GPC5: variants seen among roughly 807,000 people sequenced by gnomAD.
GPC5 encodes the protein glypican 5.
Under a neutral mutation model 53.9 loss-of-function variants are expected in GPC5, and 47 were observed. That is an observed-to-expected ratio of 0.87 (90% CI 0.69 to 1.11). GPC5 has a LOEUF of 1.11. GPC5 is among the 50% of genes most tolerant of loss of function. The probability of loss-of-function intolerance (pLI) is 0.00; values close to 1 mark genes in which losing one functional copy is unlikely to be tolerated. For synonymous variants in GPC5, 286 were observed against 263.3 expected, an observed-to-expected ratio of 1.09 and a Z score of -0.84; for missense variants, 748 against 713.1, an observed-to-expected ratio of 1.05 and a Z score of -0.56.
chr13:92,502,217 G>A (rs1880211381), intron 7 of GPC5, among the ~76,000 whole-genome samples: 1 of 151,902 alleles, frequency 6.6e-6, no homozygotes, highest in Non-Finnish European at 1.5e-5. Context: ...AAATTATACA[G>A]TGAGATACAG....
At chr13:92,029,338 A>G (rs2040823628) in intron 6 of GPC5, among the ~76,000 whole-genome samples, 1 of 152,214 alleles carries the variant, frequency 6.6e-6, no homozygotes, top group Admixed American at 6.5e-5. Context: ...GAGTTCAGTT[A>G]ACCTCTAAGT....
At chr13:91,676,269 C>T (rs1208175718) in intron 2 of GPC5, among the ~76,000 whole-genome samples, 2 of 152,118 alleles carry the variant, frequency 1.3e-5, no homozygotes, top group Non-Finnish European at 2.9e-5. Context: ...CAGGGTTTCA[C>T]CACATTGGCC....
intron 5 of GPC5, among the ~76,000 whole-genome samples, chr13:91,866,554 C>T (rs369610570): frequency 1.3e-5 from 2 of 152,130 alleles, no homozygotes; most frequent in African/African-American, 4.8e-5. Context: ...TGTAATACTT[C>T]GGCTCCCCCT....
At chr13:92,422,559 C>A (rs2374011) in intron 7 of GPC5, among the ~76,000 whole-genome samples, 45,575 of 149,798 alleles carry the variant, frequency 0.3, 8,017 homozygotes, top group East Asian at 0.61. Flanking sequence ...AGTATTCCCC[C>A]ATTGTAGTCA....
At chr13:92,293,606 G>C (rs2043013367) in intron 7 of GPC5, among the ~76,000 whole-genome samples, 1 of 151,886 alleles carries the variant, frequency 6.6e-6, no homozygotes, top group Non-Finnish European at 1.5e-5. Flanking sequence ...GGAGTCTTTA[G>C]GGTTTTCTAG....
chr13:91,865,457 T>C (rs1467649950), intron 5 of GPC5, among the ~76,000 whole-genome samples: 1 of 152,170 alleles, frequency 6.6e-6, no homozygotes, highest in Non-Finnish European at 1.5e-5. Context: ...CTATTTGATA[T>C]AAAATTCTGT....
chr13:91,859,150 T>G (rs1218742688), intron 5 of GPC5, among the ~76,000 whole-genome samples: 1 of 151,824 alleles, frequency 6.6e-6, no homozygotes, highest in Non-Finnish European at 1.5e-5. Context: ...CATTAATTTC[T>G]GCTCTTATCT....
chr13:91,891,769 C>G (rs1251990723), intron 5 of GPC5, among the ~76,000 whole-genome samples: 2 of 152,022 alleles, frequency 1.3e-5, no homozygotes, highest in African/African-American at 4.8e-5. Context: ...TCAGCTTGAC[C>G]TTGATTTGCA....
chr13:91,907,765 T>C (rs2039569988), intron 5 of GPC5, among the ~76,000 whole-genome samples, 172 bp from the exon 6 acceptor site: 2 of 151,990 alleles, frequency 1.3e-5, no homozygotes, highest in Non-Finnish European at 2.9e-5. Flanking sequence ...ATAAGCATTT[T>C]AGCATTTTTC....
intron 6 of GPC5, among the ~76,000 whole-genome samples, chr13:92,017,969 G>A (rs762779888): frequency 5.4e-5 from 8 of 148,156 alleles, no homozygotes; most frequent in South Asian, 2.2e-4. Flanking sequence ...GTACATACAC[G>A]TGCAGCACGA....
chr13:91,485,208 G>C (rs1033165371), intron 2 of GPC5, among the ~76,000 whole-genome samples: 1 of 129,352 alleles, frequency 7.7e-6, no homozygotes, highest in Non-Finnish European at 1.6e-5. Flanking sequence ...TCATAATCTT[G>C]GTCCCTTTTT....
chr13:91,921,786 A>AG (rs1566343506), intron 6 of GPC5, among the ~76,000 whole-genome samples: 1 of 88,454 alleles, frequency 1.1e-5, no homozygotes, highest in Admixed American at 1.1e-4. Context: ...TTTAAAAAAA[A>AG]AAAAGAAAGA....
chr13:91,728,560 G>A lies in GPC5; in HGVS notation c.1049G>A (p.Arg350Lys). 4 of 1,611,734 alleles carry A rather than the reference G, an allele frequency of 2.5e-6. No individual in the cohort carries two copies. In the South Asian group the frequency reaches 4.4e-5, roughly 18 times the overall value. The change falls in exon 4 of 8, where the codon AGA becomes AAA. Residue 350 changes from arginine to lysine, a missense_variant. Arg to Lys is a conservative substitution (Grantham distance 26). Coordinates refer to ENST00000377067, the MANE Select transcript of GPC5 (RefSeq NM_004466.6). ...AATAGGATTTGTGGCCGCCCTGTAA[G>A]AACACCCACACAAAGCCCCCGTTGT... ...QVNRICGRPV[R>K]TPTQSPRCSF...
intron 2 of GPC5, among the ~76,000 whole-genome samples, chr13:91,584,296 C>A (rs2032479429): frequency 6.6e-6 from 1 of 151,964 alleles, no homozygotes; most frequent in Admixed American, 6.6e-5. Context: ...AGATAGAATC[C>A]AGTCATGTAG....
chr13:92,103,725 A>G (rs2041484624), intron 6 of GPC5, among the ~76,000 whole-genome samples: 1 of 152,172 alleles, frequency 6.6e-6, no homozygotes, highest in Non-Finnish European at 1.5e-5. Flanking sequence ...AGCATTTCTG[A>G]GTGTGTGTTG....
At chr13:92,825,384 A>G (rs1877810989) in intron 7 of GPC5, among the ~76,000 whole-genome samples, 1 of 152,178 alleles carries the variant, frequency 6.6e-6, no homozygotes, top group Admixed American at 6.6e-5. Flanking sequence ...CGCATGCAAT[A>G]AAAATAAAGA....
intron 7 of GPC5, among the ~76,000 whole-genome samples, chr13:92,326,316 C>T (rs2043250532): frequency 6.6e-6 from 1 of 151,972 alleles, no homozygotes; most frequent in South Asian, 2.1e-4. Flanking sequence ...ATTTCCTTCT[C>T]CTCTCCCACT....
In GPC5 at chr13:92,861,477, T is replaced by C. The variant is rs965123090; in HGVS notation, c.1562-4805T>C. On this transcript the variant is annotated intron_variant, in intron 7 of 7. Coordinates refer to ENST00000377067, the MANE Select transcript of GPC5 (RefSeq NM_004466.6). ...TTCATTGTGTGTATGATAGTACTTA[T>C]TTGTTGTCCAGTGAAGAAGACTTTC... 3.9e-5 allele frequency among the ~76,000 whole-genome samples: 6 copies of C among 152,308 alleles called. No individual in the cohort carries two copies. The South Asian group carries it at 1.0e-3, about 26-fold the overall frequency.
chr13:92,037,206 CA>C (rs2040900510), intron 6 of GPC5, among the ~76,000 whole-genome samples: 2 of 152,084 alleles, frequency 1.3e-5, no homozygotes. Context: ...CATACACACA[CA>C]CACACGTATG....
Sources: allele counts gnomAD v4.1 joint callset (sites outside exome capture counted in the v4.1 genomes callset), GRCh38; gene constraint gnomAD v4.1.1; transcripts MANE v1.5; gene names NCBI Gene and HGNC (gene_info 2026-07-23, HGNC 2026-07-21).